The following CNTN4 variants were observed in gnomAD, a reference collection of about 807,000 sequenced individuals.
CNTN4 encodes the protein contactin-4.
A neutral mutation model predicts 122.5 loss-of-function variants in CNTN4; 77 were observed. That is an observed-to-expected ratio of 0.63 (90% confidence interval 0.52 to 0.76). The LOEUF (loss-of-function observed/expected upper bound fraction) is 0.76. Ranked by LOEUF, CNTN4 falls within the 30% of genes least tolerant of loss-of-function variation. The pLI is 0.00. For missense variants in CNTN4, 1,256 were observed against 1,259.1 expected, an observed-to-expected ratio of 1.00 and a Z score of 0.04; for synonymous variants, 512 against 447.0, an observed-to-expected ratio of 1.15 and a Z score of -1.83.
intron 6 of CNTN4, among the ~76,000 whole-genome samples, chr3:2,817,329 A>C (rs970889377): frequency 6.6e-6 from 1 of 152,236 alleles, no homozygotes; most frequent in African/African-American, 2.4e-5. Context: ...GCCCATGGTC[A>C]ACACAGCTAA....
chr3:2,357,087 T>C (rs191727363), intron 3 of CNTN4, among the ~76,000 whole-genome samples: 1 of 152,312 alleles, frequency 6.6e-6, no homozygotes, highest in East Asian at 1.9e-4. Flanking sequence ...AGGAATCCTG[T>C]TACAAATGCA....
At chr3:2,358,282 A>G (rs900647495) in intron 3 of CNTN4, among the ~76,000 whole-genome samples, 3 of 152,166 alleles carry the variant, frequency 2.0e-5, no homozygotes, top group African/African-American at 7.2e-5. Flanking sequence ...CGTTTTTGCA[A>G]CTACAACATG....
intron 3 of CNTN4, among the ~76,000 whole-genome samples, chr3:2,433,793 A>G (rs1369742759): frequency 2.0e-5 from 3 of 152,120 alleles, no homozygotes; most frequent in East Asian, 1.9e-4. Context: ...GAGTTGATCT[A>G]GGTTTACGAT....
At chr3:2,963,351 T>C (rs2094880984) in intron 13 of CNTN4, among the ~76,000 whole-genome samples, 1 of 152,202 alleles carries the variant, frequency 6.6e-6, no homozygotes, top group South Asian at 2.1e-4. Flanking sequence ...GTACCTCATA[T>C]GATATAATTT....
Position 2,267,182 on chromosome 3 carries a change from G to T in CNTN4, c.-144-71996G>T, listed in dbSNP as rs895910596. ...TACGATTGTGGTGTGTAGAAATTTA[G>T]TGTCAGCCACTGAAAGAACTATTTC... is the stretch of plus-strand genomic sequence containing the variant. On this transcript the variant is annotated intron_variant, in intron 2 of 24. Transcript: ENST00000418658. Among the ~76,000 whole-genome samples the T allele has an allele frequency of 2.0e-5, 3 of 152,014 alleles. No homozygotes were observed. The East Asian group carries it at 5.8e-4, about 29-fold the overall frequency.
At chr3:2,638,019 A>T (rs145448718) in intron 4 of CNTN4, among the ~76,000 whole-genome samples, 200 of 152,328 alleles carry the variant, frequency 1.3e-3, no homozygotes, top group Non-Finnish European at 1.8e-3. Flanking sequence ...TACCTCTACA[A>T]TAGAGGTAGA....
chr3:2,880,933 CTT>C (rs2093901911), intron 8 of CNTN4, among the ~76,000 whole-genome samples: 1 of 152,152 alleles, frequency 6.6e-6, no homozygotes, highest in Non-Finnish European at 1.5e-5. Flanking sequence ...TGGATCCTCT[CTT>C]TAGAAAAATG....
chr3:2,766,644 C>T (rs970404292), intron 6 of CNTN4, among the ~76,000 whole-genome samples: 19 of 152,142 alleles, frequency 1.2e-4, no homozygotes, highest in Middle Eastern at 3.4e-3. Context: ...TTGGGTTCAG[C>T]GTATACTGCT....
chr3:2,933,990 G>T (rs1032460469), intron 13 of CNTN4, among the ~76,000 whole-genome samples: 1 of 152,114 alleles, frequency 6.6e-6, no homozygotes, highest in African/African-American at 2.4e-5. Context: ...AGAGGTGGGA[G>T]AACATCTAGG....
chr3:2,499,562 T>G (rs1208359313), intron 3 of CNTN4, among the ~76,000 whole-genome samples: 1 of 152,174 alleles, frequency 6.6e-6, no homozygotes, highest in Non-Finnish European at 1.5e-5. Context: ...TGGGTCTATT[T>G]CTGGGTTCCC....
At chr3:2,585,461 T>C (rs1347168429) in intron 4 of CNTN4, among the ~76,000 whole-genome samples, 2 of 152,132 alleles carry the variant, frequency 1.3e-5, no homozygotes, top group African/African-American at 4.8e-5. Context: ...AGTGATAGAC[T>C]GGATTAAGAA....
intron 4 of CNTN4, among the ~76,000 whole-genome samples, chr3:2,724,151 T>G (rs2088049544): frequency 6.6e-6 from 1 of 152,206 alleles, no homozygotes; most frequent in Non-Finnish European, 1.5e-5. Context: ...TTTTCAAAGC[T>G]GAGCAAATCT....
At chr3:2,631,884 AAAAAC>A (rs1179530526) in intron 4 of CNTN4, among the ~76,000 whole-genome samples, 3,705 of 149,516 alleles carry the variant, frequency 0.025, 330 homozygotes, top group African/African-American at 0.089. Flanking sequence ...AAAAACAAAA[AAAAAC>A]AACAACTAAA....
At chr3:2,882,809 G>T (rs2093927783) in intron 8 of CNTN4, 1 of 281,796 alleles carries the variant, frequency 3.5e-6, no homozygotes, top group African/African-American at 2.2e-5. Context: ...TACTTCCAAA[G>T]AGATAATTTA....
intron 4 of CNTN4, among the ~76,000 whole-genome samples, chr3:2,671,690 C>T (rs964360669): frequency 2.6e-5 from 4 of 152,136 alleles, no homozygotes; most frequent in Non-Finnish European, 4.4e-5. Flanking sequence ...TTCAGTTTTT[C>T]TGCTCTGTTT....
chr3:2,546,584 C>G (rs148623381), intron 3 of CNTN4, among the ~76,000 whole-genome samples: 2,038 of 152,108 alleles, frequency 0.013, 25 homozygotes, highest in Middle Eastern at 0.051. Flanking sequence ...GTACACCAAA[C>G]CTCCATGACA....
intron 2 of CNTN4, among the ~76,000 whole-genome samples, chr3:2,108,255 G>T (rs1345944710): frequency 7.0e-6 from 1 of 143,266 alleles, no homozygotes; most frequent in Admixed American, 7.3e-5. Flanking sequence ...ATTACAGTTT[G>T]CACAATGCTC....
chr3:2,620,817 AGC>A (rs2081962342), intron 4 of CNTN4, among the ~76,000 whole-genome samples: 1 of 152,168 alleles, frequency 6.6e-6, no homozygotes, highest in Non-Finnish European at 1.5e-5. Context: ...TTTGACACAA[AGC>A]ACTCTAATTC....
intron 7 of CNTN4, among the ~76,000 whole-genome samples, chr3:2,856,494 A>C (rs1261786237): frequency 2.0e-5 from 3 of 152,162 alleles, no homozygotes; most frequent in Non-Finnish European, 4.4e-5. Flanking sequence ...ATCAGTGACT[A>C]TTTTTCCACT....
Sources: gnomAD v4.1 joint callset for allele counts (sites outside exome capture counted in the v4.1 genomes callset) on GRCh38, gnomAD v4.1.1 for gene constraint, MANE v1.5 for transcripts, NCBI Gene and HGNC (gene_info 2026-07-23, HGNC 2026-07-21) for gene names.